The following FYTTD1 variants were observed in gnomAD, a reference collection of about 807,000 sequenced individuals.
FYTTD1 encodes the protein forty-two-three domain containing 1.
In FYTTD1, 22 loss-of-function variants were observed where a neutral mutation model predicts 40.9. That is an observed-to-expected ratio of 0.54 (90% confidence interval 0.38 to 0.77). The LOEUF is 0.77. Among genes scored for constraint, FYTTD1 ranks in the 30% least tolerant of loss-of-function variants. The pLI, the probability that FYTTD1 is intolerant of heterozygous loss-of-function variation, is 0.00. For missense variants in FYTTD1, 351 were observed against 392.2 expected (o/e 0.90, Z 0.89); for synonymous variants, 140 against 137.9 (o/e 1.01, Z -0.10).
Position 197,782,123 on chromosome 3 carries a change from T to G in FYTTD1, c.*214T>G, listed in dbSNP as rs1461137650. ...GATTATACCTGTCTGTTCTTAAAGA[T>G]TTCATGGTTGGCTCAGACAGAACAA... On this transcript the variant is annotated 3_prime_UTR_variant, in exon 9 of 9. Transcript: ENST00000241502. 5.9e-6 allele frequency: 2 copies of G among 339,888 alleles called. No homozygotes were observed. Among genetic ancestry groups the G allele is most frequent in the African/African-American group, 4.2e-5 (2 of 47,202 alleles). 21.1% of individuals were successfully genotyped at this position (339,888 alleles called of 1,614,324 possible). A position where few individuals can be genotyped will look rare whatever the true frequency, so the allele number is the denominator to read the frequency against.
rs574462407 is a variant in FYTTD1 at position 197,784,892 on chromosome 3, T to G, written c.*2983T>G. The G allele has an allele frequency of 6.6e-6, 1 of 152,312 alleles. No individual in the cohort carries two copies. The highest frequency in any genetic ancestry group is 6.5e-5 in the Admixed American group (1 of 15,302). 9.4% of individuals were successfully genotyped at this position (152,312 alleles called of 1,614,324 possible). A position where few individuals can be genotyped will look rare whatever the true frequency, so the allele number is the denominator to read the frequency against. On this transcript the variant is annotated 3_prime_UTR_variant, in exon 9 of 9. Transcript: ENST00000241502. ...CAGTTTAACCCCTCCTTTTTACACC[T>G]TAGTAAAGTGAGTCCTAGTGTTTTC...
At chr3:197,755,168 G>A (rs2109036071) in intron 1 of FYTTD1, among the ~76,000 whole-genome samples, 1 of 152,318 alleles carries the variant, frequency 6.6e-6, no homozygotes, top group Non-Finnish European at 1.5e-5. Flanking sequence ...GAAGTACTTT[G>A]CTAGAGGTGA....
chr3:197,763,661 G>T (rs1729458017), intron 2 of FYTTD1: 2 of 276,198 alleles, frequency 7.2e-6, no homozygotes, highest in East Asian at 2.3e-4. Context: ...AAAAGTTTGA[G>T]AATGCTGTTC....
chr3:197,773,454 G>T lies in FYTTD1; in HGVS notation c.549G>T (p.Gln183His). Reference protein sequence around the residue: ...FTRSGNKLNHQKDTRQATFLF... With the variant: ...FTRSGNKLNHHKDTRQATFLF... Reference sequence around the variant, plus strand: ...GGAGTGGAAATAAATTAAATCATCAGAAAGATACTCGTCAGGCAACTTTTC... The same window carrying T: ...GGAGTGGAAATAAATTAAATCATCATAAAGATACTCGTCAGGCAACTTTTC... Residue 183 changes from glutamine (Q) to histidine (H), a missense_variant, in exon 5 of 9, where the codon CAG becomes CAT. Physicochemically the swap from Gln to His is conservative, Grantham distance 24. Transcript: ENST00000241502. The T allele has an allele frequency of 6.2e-7, 1 of 1,603,836 alleles. No homozygotes were observed. The highest frequency in any genetic ancestry group is 1.1e-5 in the South Asian group (1 of 89,812).
chr3:197,778,292 C>T, intron 7 of FYTTD1, 46 bp from the exon 8 acceptor site: 1 of 1,467,130 alleles, frequency 6.8e-7, no homozygotes, highest in African/African-American at 1.4e-5. Flanking sequence ...ATTTATTTTT[C>T]TTTTCATTGT....
intron 1 of FYTTD1, chr3:197,750,800 G>T (rs1729004013): frequency 2.0e-6 from 2 of 985,496 alleles, no homozygotes; most frequent in Non-Finnish European, 2.4e-6. Flanking sequence ...AGAGATGATT[G>T]CTGTGGCTCG....
At chr3:197,762,604 C>T (rs57171672) in intron 2 of FYTTD1, among the ~76,000 whole-genome samples, 5,663 of 151,088 alleles carry the variant, frequency 0.037, 377 homozygotes, top group African/African-American at 0.13. Flanking sequence ...TAAAAAAGGC[C>T]GGGCGCGGTG....
intron 4 of FYTTD1, among the ~76,000 whole-genome samples, chr3:197,773,122 G>A (rs1023268923): frequency 3.9e-5 from 6 of 152,162 alleles, no homozygotes; most frequent in African/African-American, 4.8e-5. Flanking sequence ...CTAAAAATGT[G>A]ATTATTAATG....
In FYTTD1 at chr3:197,776,782, A is replaced by G; in HGVS notation, c.657-145A>G. 3 of 565,920 alleles carry G rather than the reference A, an allele frequency of 5.3e-6. No individual in the cohort carries two copies. In the South Asian group the frequency reaches 7.6e-5, roughly 14 times the overall value. 35.1% of individuals were successfully genotyped at this position (565,920 alleles called of 1,614,324 possible). A position where few individuals can be genotyped will look rare whatever the true frequency, so the allele number is the denominator to read the frequency against. On this transcript the variant is annotated intron_variant, in intron 6 of 8. Transcript: ENST00000241502. ...AGTTCCGCACCCAAGATGTTGATTT[A>G]TTATATCATGGTGGGGTTCAGGTAC...
At chr3:197,765,099 C>A (rs143309121) in intron 2 of FYTTD1, among the ~76,000 whole-genome samples, 90 of 152,194 alleles carry the variant, frequency 5.9e-4, no homozygotes, top group African/African-American at 2.1e-3. Flanking sequence ...ATGATCCACC[C>A]GCCTCAGCCT....
chr3:197,761,196 T>C (rs2109041279), intron 2 of FYTTD1, among the ~76,000 whole-genome samples: 1 of 151,792 alleles, frequency 6.6e-6, no homozygotes, highest in Admixed American at 6.5e-5. Context: ...GTAGAATGTA[T>C]AGAGTGTTCT....
intron 1 of FYTTD1, among the ~76,000 whole-genome samples, chr3:197,754,663 C>CT (rs1560491778): frequency 1.5e-5 from 2 of 135,080 alleles, no homozygotes; most frequent in Non-Finnish European, 1.6e-5. Flanking sequence ...TTTTTTTTTT[C>CT]TTTCTTTTTT....
At chr3:197,771,834 C>T (rs906358628) in intron 4 of FYTTD1, among the ~76,000 whole-genome samples, 5 of 149,964 alleles carry the variant, frequency 3.3e-5, no homozygotes, top group African/African-American at 1.2e-4. Flanking sequence ...CGGTGCATGC[C>T]AGCAATCCCA....
intron 4 of FYTTD1, among the ~76,000 whole-genome samples, chr3:197,770,782 C>T (rs898224999): frequency 6.6e-6 from 1 of 152,094 alleles, no homozygotes; most frequent in Non-Finnish European, 1.5e-5. Flanking sequence ...TTCCTGGCCT[C>T]AAGTGATCCT....
At chr3:197,767,587 C>T (rs984899419) in intron 2 of FYTTD1, among the ~76,000 whole-genome samples, 1 of 152,068 alleles carries the variant, frequency 6.6e-6, no homozygotes, top group African/African-American at 2.4e-5. Flanking sequence ...ACCCCAGCCT[C>T]CTGAGTAGCT....
At chr3:197,779,332 T>C (rs1009706431) in intron 8 of FYTTD1, among the ~76,000 whole-genome samples, 2 of 151,902 alleles carry the variant, frequency 1.3e-5, no homozygotes, top group African/African-American at 4.8e-5. Context: ...GGAGAATTGC[T>C]TGAACCCAGG....
chr3:197,758,141 G>A (rs1056292140), intron 2 of FYTTD1, among the ~76,000 whole-genome samples: 39 of 151,514 alleles, frequency 2.6e-4, no homozygotes, highest in African/African-American at 9.4e-4. Context: ...AGCCTCAGGT[G>A]ATCCACCTGC....
At chr3:197,762,398 G>A (rs886108200) in intron 2 of FYTTD1, among the ~76,000 whole-genome samples, 16 of 151,270 alleles carry the variant, frequency 1.1e-4, no homozygotes, top group Admixed American at 4.0e-4. Flanking sequence ...AGAGCAGCCT[G>A]GCCAATATGG....
rs778201963 is a variant in FYTTD1 at position 197,749,924 on chromosome 3, G to A, written c.-48G>A. 3.5e-5 allele frequency: 46 copies of A among 1,302,252 alleles called. No individual in the cohort carries two copies. The South Asian group carries it at 6.0e-4, about 17-fold the overall frequency. The allele number at this position is 1,302,252 out of a possible 1,614,324, so 80.7% of individuals were successfully genotyped here. ...TGCGCGAGTGGGAGGTGGCAGGCCT[G>A]CGACTCCGGCCTTGTCCGCGCCCGC... is the stretch of plus-strand genomic sequence containing the variant. On this transcript the variant is annotated 5_prime_UTR_variant, in exon 1 of 9. Coordinates refer to ENST00000241502, the MANE Select transcript of FYTTD1 (RefSeq NM_032288.7).
Sources: allele counts gnomAD v4.1 joint callset (sites outside exome capture counted in the v4.1 genomes callset), GRCh38; gene constraint gnomAD v4.1.1; transcripts MANE v1.5; gene names NCBI Gene and HGNC (gene_info 2026-07-23, HGNC 2026-07-21).